Variants in DARS1 observed in about 807,000 individuals in gnomAD.
DARS1 encodes the protein aspartyl-tRNA synthetase 1, also known as aspartate--tRNA ligase, cytoplasmic.
A neutral mutation model predicts 68.8 loss-of-function variants in DARS1; 51 were observed. The observed-to-expected ratio is 0.74, with a 90% CI of 0.59 to 0.94. DARS1 has a LOEUF of 0.94. Among genes scored for constraint, DARS1 ranks in the 40% least tolerant of loss-of-function variants. The pLI is 0.00. For synonymous variants in DARS1, 203 were observed against 190.4 expected (o/e 1.07, Z -0.55); for missense variants, 607 against 597.3 (o/e 1.02, Z -0.17).
At chr2:135,956,229 T>C (rs931506258) in intron 4 of DARS1, among the ~76,000 whole-genome samples, 4 of 152,080 alleles carry the variant, frequency 2.6e-5, no homozygotes, top group Admixed American at 6.6e-5. Flanking sequence ...ATTATTGCAA[T>C]AGGGGAAAAG....
intron 11 of DARS1, among the ~76,000 whole-genome samples, 200 bp downstream of exon 11, chr2:135,916,026 A>C (rs1384596212): frequency 1.3e-5 from 2 of 152,198 alleles, no homozygotes; most frequent in Non-Finnish European, 2.9e-5. Context: ...TATCAGGTGA[A>C]AAAAATCATT....
intron 5 of DARS1, 130 bp downstream of exon 5, chr2:135,943,248 A>G: frequency 2.3e-6 from 3 of 1,292,974 alleles, no homozygotes; most frequent in South Asian, 3.2e-5. Flanking sequence ...ACAAAAGCTA[A>G]TTGATTCAGT....
chr2:135,947,667 G>A (rs1361138741), intron 4 of DARS1, among the ~76,000 whole-genome samples: 2 of 151,890 alleles, frequency 1.3e-5, no homozygotes, highest in Non-Finnish European at 2.9e-5. Flanking sequence ...TAGCTAATAA[G>A]ATCATTTAAT....
chr2:135,907,242 C>CTTTTTTCTTTTTT lies in DARS1; in HGVS notation c.*73_*74insAAAAAAGAAAAAA, dbSNP rs1680803071. 2.4e-6 allele frequency: 1 copy of CTTTTTTCTTTTTT among 423,204 alleles called. No individual in the cohort carries two copies. The highest frequency in any genetic ancestry group is 3.7e-6 in the Non-Finnish European group (1 of 267,380). The allele number at this position is 423,204 out of a possible 1,614,324, so 26.2% of individuals were successfully genotyped here. On this transcript the variant is annotated 3_prime_UTR_variant, in exon 16 of 16. Coordinates refer to ENST00000264161, the MANE Select transcript of DARS1 (RefSeq NM_001349.4). ...TACTGAAAAGAATAAGTGTGGCTTT[C>CTTTTTTCTTTTTT]TTTTTTTTTTTTTTTTTTTGAGGCA... is the stretch of plus-strand genomic sequence containing the variant.
At chr2:135,938,709 G>A (rs1261425627) in intron 5 of DARS1, among the ~76,000 whole-genome samples, 3 of 152,128 alleles carry the variant, frequency 2.0e-5, no homozygotes, top group African/African-American at 7.2e-5. Flanking sequence ...AAAAGACACA[G>A]ACTGGCAAAT....
At chr2:135,957,546 G>A (rs1024154248) in intron 4 of DARS1, among the ~76,000 whole-genome samples, 3 of 152,140 alleles carry the variant, frequency 2.0e-5, no homozygotes, top group African/African-American at 7.2e-5. Flanking sequence ...TTTTTTGGTA[G>A]AGATGGGGTT....
chr2:135,974,944 C>A (rs1235899502), intron 3 of DARS1, among the ~76,000 whole-genome samples: 1 of 151,968 alleles, frequency 6.6e-6, no homozygotes, highest in Non-Finnish European at 1.5e-5. Context: ...ATGACTGAAA[C>A]ACAAATTAAA....
At chr2:135,944,400 A>C (rs1681671544) in intron 4 of DARS1, among the ~76,000 whole-genome samples, 1 of 152,190 alleles carries the variant, frequency 6.6e-6, no homozygotes, top group Admixed American at 6.5e-5. Context: ...GTTGTGGTGC[A>C]ATTAGACATT....
At chr2:135,922,759 TA>T in intron 9 of DARS1, 24 bp downstream of exon 9, 1 of 1,518,188 alleles carries the variant, frequency 6.6e-7, no homozygotes, top group South Asian at 1.4e-5. Flanking sequence ...TTAACTTGGA[TA>T]AAACATAACT....
intron 3 of DARS1, chr2:135,978,995 C>A: frequency 3.8e-6 from 1 of 264,700 alleles, no homozygotes; most frequent in Non-Finnish European, 6.9e-6. Flanking sequence ...TTAGCTACTC[C>A]TTCTCCAGCT....
chr2:135,911,057 C>T, intron 15 of DARS1, 82 bp downstream of exon 15: 1 of 670,046 alleles, frequency 1.5e-6, no homozygotes, highest in Non-Finnish European at 2.7e-6. Context: ...TGTCGTAATT[C>T]ACTTTTAAAA....
chr2:135,973,780 T>C (rs1319238544), intron 3 of DARS1, among the ~76,000 whole-genome samples: 1 of 152,068 alleles, frequency 6.6e-6, no homozygotes, highest in Non-Finnish European at 1.5e-5. Context: ...TGTGGGAGGA[T>C]GGCTTGAGCC....
intron 15 of DARS1, among the ~76,000 whole-genome samples, chr2:135,907,884 A>C (rs909976155): frequency 4.6e-5 from 7 of 152,182 alleles, no homozygotes; most frequent in Non-Finnish European, 7.4e-5. Flanking sequence ...TCTGGAGTAC[A>C]TTATTATACT....
At position 135,906,804 on chromosome 2, in the gene DARS1, T is replaced by G. The variant is rs1475706574; in HGVS notation, c.*512A>C. 1.3e-5 allele frequency: 2 copies of G among 152,370 alleles called. No homozygotes were observed. The highest frequency in any genetic ancestry group is 2.9e-5 in the Non-Finnish European group (2 of 68,100). The allele number at this position is 152,370 out of a possible 1,614,324, so 9.4% of individuals were successfully genotyped here. ...ATTTCTAGGCATAACTTTTAAGAAC[T>G]GATACTTTCTGGTTAATTTTCCATG... On this transcript the variant is annotated 3_prime_UTR_variant, in exon 16 of 16. Transcript: ENST00000264161.
chr2:135,968,174 G>T (rs1231938829), intron 3 of DARS1, among the ~76,000 whole-genome samples: 1 of 152,170 alleles, frequency 6.6e-6, no homozygotes. Flanking sequence ...TAAGGCAGGA[G>T]AATCACTTGA....
intron 4 of DARS1, among the ~76,000 whole-genome samples, chr2:135,944,572 A>C (rs946597241): frequency 2.6e-5 from 4 of 151,806 alleles, no homozygotes; most frequent in African/African-American, 9.7e-5. Context: ...TTACCAACTA[A>C]CTTAAAAAAA....
chr2:135,926,477 A>T (rs1681213836), intron 7 of DARS1, among the ~76,000 whole-genome samples: 1 of 152,196 alleles, frequency 6.6e-6, no homozygotes, highest in Non-Finnish European at 1.5e-5. Flanking sequence ...TGACAATTCT[A>T]ATACATCCTA....
chr2:135,920,398 A>G, intron 10 of DARS1, 55 bp downstream of exon 10: 1 of 1,453,082 alleles, frequency 6.9e-7, no homozygotes. Context: ...TTTTTTTTTT[A>G]AAGGGCCCAA....
intron 3 of DARS1, among the ~76,000 whole-genome samples, chr2:135,978,195 T>C (rs893912328): frequency 3.4e-5 from 5 of 146,566 alleles, no homozygotes; most frequent in Non-Finnish European, 7.5e-5. Flanking sequence ...AGAAATGCTA[T>C]ATATCATGGG....
Sources: allele counts gnomAD v4.1 joint callset (sites outside exome capture counted in the v4.1 genomes callset), GRCh38; gene constraint gnomAD v4.1.1; transcripts MANE v1.5; gene names NCBI Gene and HGNC (gene_info 2026-07-23, HGNC 2026-07-21).